The following ZP3 variants were observed in gnomAD, a reference collection of about 807,000 sequenced individuals.
The protein encoded by ZP3 is zona pellucida glycoprotein 3, also known as zona pellucida sperm-binding protein 3.
ZP3 carries 21 observed loss-of-function variants against 35.6 expected under a neutral mutation model. The observed-to-expected ratio is 0.59, with a 90% CI of 0.42 to 0.85. The LOEUF (loss-of-function observed/expected upper bound fraction) is 0.85. ZP3 is among the 40% of genes least tolerant of loss of function. The pLI, the probability that ZP3 is intolerant of heterozygous loss-of-function variation, is 0.00. For synonymous variants in ZP3, 207 were observed against 214.5 expected (o/e 0.96, Z 0.31); for missense variants, 437 against 536.5 (o/e 0.81, Z 1.83).
intron 5 of ZP3, among the ~76,000 whole-genome samples, chr7:76,438,117 C>T (rs1215562577): frequency 7.9e-5 from 12 of 152,362 alleles, no homozygotes; most frequent in East Asian, 7.7e-4. Context: ...AATTGCCATG[C>T]TCTGCCCGAG....
intron 2 of ZP3, among the ~76,000 whole-genome samples, chr7:76,432,338 G>C (rs762079977): frequency 1.3e-5 from 2 of 151,928 alleles, no homozygotes; most frequent in Admixed American, 6.6e-5. Flanking sequence ...AAAGGCGCCC[G>C]CCACCATGCC....
At chr7:76,408,348 G>A (rs1252924287) in intron 1 of ZP3, among the ~76,000 whole-genome samples, 1 of 152,122 alleles carries the variant, frequency 6.6e-6, no homozygotes, top group African/African-American at 2.4e-5. Flanking sequence ...CCTTCTGCCT[G>A]GACTGGGGAC....
At chr7:76,415,250 C>T (rs1805340812) in intron 1 of ZP3, among the ~76,000 whole-genome samples, 1 of 150,298 alleles carries the variant, frequency 6.7e-6, no homozygotes, top group African/African-American at 2.5e-5. Flanking sequence ...CCTGTAGTCC[C>T]AGCTACTTGG....
upstream of ZP3, among the ~76,000 whole-genome samples, chr7:76,424,345 TG>T (rs1805589936): frequency 6.6e-6 from 1 of 152,154 alleles, no homozygotes; most frequent in Admixed American, 6.5e-5. Flanking sequence ...TCAAGTGGGC[TG>T]GGGCGGGCGC....
intron 5 of ZP3, among the ~76,000 whole-genome samples, chr7:76,435,423 G>C (rs1304520746): frequency 6.6e-6 from 1 of 152,270 alleles, no homozygotes; most frequent in African/African-American, 2.4e-5. Flanking sequence ...CCAAAGTGCT[G>C]GAATTACAGG....
intron 1 of ZP3, chr7:76,404,376 A>G (rs1804930124): frequency 1.2e-6 from 2 of 1,613,700 alleles, no homozygotes; most frequent in Non-Finnish European, 1.7e-6. Flanking sequence ...CCATCTCCCA[A>G]CCTCCACCCC....
intron 5 of ZP3, among the ~76,000 whole-genome samples, chr7:76,438,557 A>AAAAAAAAC: frequency 6.9e-6 from 1 of 143,998 alleles, no homozygotes; most frequent in South Asian, 2.2e-4. Context: ...AAAAAAAAAA[A>AAAAAAAAC]GGGTAGCGGG....
At chr7:76,436,036 T>C (rs1805993969) in intron 5 of ZP3, among the ~76,000 whole-genome samples, 61 of 14,694 alleles carry the variant, frequency 4.2e-3, no homozygotes, top group African/African-American at 0.021. Context: ...CCCCCTTTTT[T>C]TTTTTTTTTT....
chr7:76,403,545 C>T (rs1344847650), intron 1 of ZP3, among the ~76,000 whole-genome samples: 1 of 151,822 alleles, frequency 6.6e-6, no homozygotes, highest in Non-Finnish European at 1.5e-5. Flanking sequence ...ACCATGTTGG[C>T]CGGGCTGGTC....
At chr7:76,427,888 C>T (rs1197550515) in intron 1 of ZP3, among the ~76,000 whole-genome samples, 5 of 152,138 alleles carry the variant, frequency 3.3e-5, no homozygotes, top group Non-Finnish European at 7.4e-5. Flanking sequence ...CTCTATTGCC[C>T]AGGCTGGTCG....
At chr7:76,423,366 C>T (rs1003021388), upstream of ZP3, among the ~76,000 whole-genome samples, 11 of 152,096 alleles carry the variant, frequency 7.2e-5, no homozygotes, top group Non-Finnish European at 1.3e-4. Context: ...GGGCAAAGCA[C>T]GTGAAGGTAT....
chr7:76,419,485 C>G (rs1334602468), intron 1 of ZP3, among the ~76,000 whole-genome samples: 1 of 152,112 alleles, frequency 6.6e-6, no homozygotes, highest in Non-Finnish European at 1.5e-5. Context: ...TGTTTCTAGG[C>G]TCTCTCATCT....
intron 1 of ZP3, among the ~76,000 whole-genome samples, chr7:76,413,438 T>A (rs1805296190): frequency 6.7e-6 from 1 of 149,580 alleles, no homozygotes; most frequent in African/African-American, 2.5e-5. Context: ...AATTTCTGTA[T>A]TTTTTTTTAG....
chr7:76,398,038 C>A (rs1010193240), intron 1 of ZP3, among the ~76,000 whole-genome samples: 8 of 152,122 alleles, frequency 5.3e-5, no homozygotes, highest in Non-Finnish European at 1.2e-4. Flanking sequence ...CCCTACCCTG[C>A]TCCCTGTCTC....
intron 2 of ZP3, among the ~76,000 whole-genome samples, chr7:76,432,035 TAAAA>T (rs35187653): frequency 1.4e-5 from 2 of 147,000 alleles, no homozygotes; most frequent in East Asian, 2.0e-4. Context: ...GTTTTTTGTT[TAAAA>T]AAAAAAAGTC....
In ZP3 at chr7:76,425,108, G is replaced by A; in HGVS notation, c.144G>A (p.Glu48=). ...AGCCCGTACTGGTGGAGTGTCAGGA[G>A]GCCACTCTGATGGTCATGGTCAGCA... is the stretch of plus-strand genomic sequence containing the variant. ...SVQPVLVECQ[E]ATLMVMVSKD... is the part of the protein sequence containing the mutation. The change falls in exon 1 of 8, where the codon GAG becomes GAA. Residue 48 remains glutamate (E), a synonymous_variant. Transcript: ENST00000394857. The A allele has an allele frequency of 6.2e-7, 1 of 1,613,962 alleles. No individual in the cohort carries two copies. Among genetic ancestry groups the A allele is most frequent in the South Asian group, 1.1e-5 (1 of 91,070 alleles).
At chr7:76,427,793 C>T (rs966940806) in intron 1 of ZP3, among the ~76,000 whole-genome samples, 2 of 152,172 alleles carry the variant, frequency 1.3e-5, no homozygotes, top group Admixed American at 6.6e-5. Context: ...ATCCTCCTGC[C>T]TCAGCCTCCT....
At chr7:76,418,718 T>C (rs1584049049) in intron 1 of ZP3, among the ~76,000 whole-genome samples, 1 of 151,706 alleles carries the variant, frequency 6.6e-6, no homozygotes, top group East Asian at 1.9e-4. Flanking sequence ...TAGCCGGGCG[T>C]GGTGGCAGGC....
chr7:76,432,506 G>A (rs1805861203), intron 2 of ZP3, among the ~76,000 whole-genome samples: 1 of 150,688 alleles, frequency 6.6e-6, no homozygotes, highest in African/African-American at 2.4e-5. Context: ...TATAGAGATA[G>A]AGTCTTGCTA....
Sources: allele counts gnomAD v4.1 joint callset (sites outside exome capture counted in the v4.1 genomes callset), GRCh38; gene constraint gnomAD v4.1.1; transcripts MANE v1.5; gene names NCBI Gene and HGNC (gene_info 2026-07-23, HGNC 2026-07-21).